SERINC3: variants seen among roughly 807,000 people sequenced by gnomAD.
SERINC3 encodes serine incorporator 3, also known as tumor differentially expressed protein 1.
A neutral mutation model predicts 52.1 loss-of-function variants in SERINC3; 22 were observed. The ratio of observed to expected loss-of-function variants is 0.42; its 90% CI spans 0.30 to 0.60. SERINC3 has a LOEUF of 0.60. SERINC3 is among the 20% of genes least tolerant of loss of function. The pLI is 0.16. For missense variants in SERINC3, 564 were observed against 584.6 expected, an observed-to-expected ratio of 0.96 and a Z score of 0.36; for synonymous variants, 226 against 212.7, an observed-to-expected ratio of 1.06 and a Z score of -0.54.
chr20:44,519,814 G>C (rs1287168168), intron 1 of SERINC3, among the ~76,000 whole-genome samples: 1 of 151,950 alleles, frequency 6.6e-6, no homozygotes, highest in Admixed American at 6.6e-5. Context: ...AAAAATAGTA[G>C]AAAGAGCTGA....
At chr20:44,512,105 G>C (rs943781057) in intron 3 of SERINC3, among the ~76,000 whole-genome samples, 1 of 152,166 alleles carries the variant, frequency 6.6e-6, no homozygotes, top group Non-Finnish European at 1.5e-5. Context: ...CTGAGGTCAC[G>C]AGTTCTAGAC....
At position 44,501,195 on chromosome 20, in the gene SERINC3, ATCTTCT is replaced by A. The variant is rs757263748; in HGVS notation, c.1155_1160del (p.Glu385_Glu386del). The A allele has an allele frequency of 1.9e-6, 3 of 1,614,138 alleles. No individual in the cohort carries two copies. The Middle Eastern group carries it at 4.9e-4, about 266-fold the overall frequency. On this transcript the variant is annotated inframe_deletion, in exon 9 of 10. Transcript: ENST00000342374. ...TGTCCACAGCCCGCCGAGGCTGTCC[ATCTTCT>A]TCATCACTGGCACCACTGGTAGTTG...
intron 4 of SERINC3, among the ~76,000 whole-genome samples, chr20:44,510,909 A>AGTTTT (rs933910308): frequency 3.8e-4 from 58 of 151,770 alleles, no homozygotes; most frequent in Admixed American, 3.4e-3. Flanking sequence ...ATTAAAAGGT[A>AGTTTT]GTTTTGTTTT....
At position 44,500,231 on chromosome 20, in the gene SERINC3, GGT is replaced by G; in HGVS notation, c.*63_*64del. 6.6e-7 allele frequency: 1 copy of G among 1,509,702 alleles called. No individual in the cohort carries two copies. Among genetic ancestry groups the G allele is most frequent in the Non-Finnish European group, 8.9e-7 (1 of 1,117,546 alleles). The allele number at this position is 1,509,702 out of a possible 1,614,324, so 93.5% of individuals were successfully genotyped here. Reference sequence around the variant, plus strand: ...TATTTTAGTTGAAACAAACTTAAAAGGTATATGGGTTTTCGGTGAAGGAGACC... The same window carrying G: ...TATTTTAGTTGAAACAAACTTAAAAGATATGGGTTTTCGGTGAAGGAGACC... On this transcript the variant is annotated 3_prime_UTR_variant, in exon 10 of 10. Coordinates refer to ENST00000342374, the MANE Select transcript of SERINC3 (RefSeq NM_006811.4).
chr20:44,520,034 G>C (rs556143992), intron 1 of SERINC3, among the ~76,000 whole-genome samples: 2 of 152,142 alleles, frequency 1.3e-5, no homozygotes, highest in Admixed American at 1.3e-4. Context: ...CCTCCAAGGA[G>C]GGGCTGAAGG....
At position 44,497,527 on chromosome 20, in the gene SERINC3, C is replaced by T. The variant is rs954121458; in HGVS notation, c.*2769G>A. 2.0e-5 allele frequency: 3 copies of T among 152,126 alleles called. No individual in the cohort carries two copies. The highest frequency in any genetic ancestry group is 7.2e-5 in the African/African-American group (3 of 41,402). The allele number at this position is 152,126 out of a possible 1,614,324, so 9.4% of individuals were successfully genotyped here. On this transcript the variant is annotated 3_prime_UTR_variant, in exon 10 of 10. Coordinates refer to ENST00000342374, the MANE Select transcript of SERINC3 (RefSeq NM_006811.4). ...GTTTGTATTTTGAATTACATTAAGG[C>T]GGAGGATGGGGCACTGTAATGTTTT...
intron 2 of SERINC3, among the ~76,000 whole-genome samples, chr20:44,513,443 G>A (rs1407954675): frequency 6.6e-6 from 1 of 152,090 alleles, no homozygotes; most frequent in East Asian, 1.9e-4. Flanking sequence ...CCAAGATCAT[G>A]TCACTGCACT....
intron 8 of SERINC3, among the ~76,000 whole-genome samples, chr20:44,501,962 A>C (rs2064282703): frequency 6.6e-6 from 1 of 152,234 alleles, no homozygotes; most frequent in African/African-American, 2.4e-5. Flanking sequence ...CATGATAAAA[A>C]CAGTCAAAGT....
chr20:44,521,708 C>T (rs565986361), intron 1 of SERINC3, among the ~76,000 whole-genome samples: 2 of 152,236 alleles, frequency 1.3e-5, no homozygotes, highest in African/African-American at 2.4e-5. Context: ...TAGCCTCTTC[C>T]GTTCCCCGAG....
chr20:44,503,098 T>C (rs1342707383), intron 8 of SERINC3, among the ~76,000 whole-genome samples: 2 of 152,124 alleles, frequency 1.3e-5, no homozygotes, highest in African/African-American at 4.8e-5. Context: ...CCTAAATAAA[T>C]GGTTTAAGTA....
Position 44,500,023 on chromosome 20 carries a change from G to A in SERINC3, c.*273C>T, listed in dbSNP as rs1486452616. The A allele has an allele frequency of 1.2e-5, 3 of 259,868 alleles. No homozygotes were observed. The highest frequency in any genetic ancestry group is 2.2e-5 in the Non-Finnish European group (3 of 139,026). 16.1% of individuals were successfully genotyped at this position (259,868 alleles called of 1,614,324 possible). ...TAAAAGAACCTACAGGCTTTATAAA[G>A]AACTCTCTTCACAGCACAGCTGTAG... On this transcript the variant is annotated 3_prime_UTR_variant, in exon 10 of 10. Coordinates refer to ENST00000342374, the MANE Select transcript of SERINC3 (RefSeq NM_006811.4).
At chr20:44,496,433 ACTAT>A (rs953628348), downstream of SERINC3, 3 of 152,370 alleles carry the variant, frequency 2.0e-5, no homozygotes, top group Non-Finnish European at 4.4e-5. Flanking sequence ...GCATAAGCCT[ACTAT>A]CTGTTATCAA....
At chr20:44,516,838 C>T (rs1223361447) in intron 1 of SERINC3, among the ~76,000 whole-genome samples, 1 of 152,152 alleles carries the variant, frequency 6.6e-6, no homozygotes, top group Non-Finnish European at 1.5e-5. Context: ...GCAAGCACCA[C>T]CATGCCCAGC....
intron 5 of SERINC3, among the ~76,000 whole-genome samples, chr20:44,508,497 A>C (rs2064328501): frequency 6.9e-6 from 1 of 144,646 alleles, no homozygotes; most frequent in South Asian, 2.2e-4. Context: ...ACCCAATCTC[A>C]AAAAAAAAGA....
Position 44,513,893 on chromosome 20 carries a change from T to C in SERINC3, c.187A>G (p.Thr63Ala), listed in dbSNP as rs1292755161. ...TTACTTCTTACCTTCTTCAAGTAAG[T>C]TTCCATCTCTTTTCTCTGCATGATA... ...SYIMQRKEME[T>A]YLKKIPGFCE... Residue 63 changes from threonine to alanine, a missense_variant, in exon 2 of 10, where the codon ACT becomes GCT. Coordinates refer to ENST00000342374, the MANE Select transcript of SERINC3 (RefSeq NM_006811.4). 1 of 1,604,838 alleles carries C rather than the reference T, an allele frequency of 6.2e-7. No homozygotes were observed. Among genetic ancestry groups the C allele is most frequent in the Non-Finnish European group, 8.5e-7 (1 of 1,175,534 alleles).
At chr20:44,509,576 T>G (rs752649326) in intron 5 of SERINC3, among the ~76,000 whole-genome samples, 1 of 152,182 alleles carries the variant, frequency 6.6e-6, no homozygotes, top group Non-Finnish European at 1.5e-5. Context: ...TCACCCAGGC[T>G]GCAGTACAGT....
intron 2 of SERINC3, among the ~76,000 whole-genome samples, chr20:44,513,252 G>A (rs867714935): frequency 2.0e-5 from 3 of 152,132 alleles, no homozygotes; most frequent in Admixed American, 6.6e-5. Context: ...TTGGGGGACC[G>A]AGGTGGGTGG....
intron 4 of SERINC3, among the ~76,000 whole-genome samples, chr20:44,510,536 G>A (rs979703853): frequency 7.9e-5 from 12 of 152,288 alleles, no homozygotes; most frequent in African/African-American, 1.7e-4. Context: ...AGTTGCAGCC[G>A]GGCGTGGTGG....
In SERINC3 at chr20:44,500,210, T is replaced by G; in HGVS notation, c.*86A>C. On this transcript the variant is annotated 3_prime_UTR_variant, in exon 10 of 10. Coordinates refer to ENST00000342374, the MANE Select transcript of SERINC3 (RefSeq NM_006811.4). Reference sequence around the variant, plus strand: ...ACTTGCAAAGCATTCACTTAATATTTTAGTTGAAACAAACTTAAAAGGTAT... The same window carrying G: ...ACTTGCAAAGCATTCACTTAATATTGTAGTTGAAACAAACTTAAAAGGTAT... 1 of 1,391,914 alleles carries G rather than the reference T, an allele frequency of 7.2e-7. No individual in the cohort carries two copies. 86.2% of individuals were successfully genotyped at this position (1,391,914 alleles called of 1,614,324 possible). A position where few individuals can be genotyped will look rare whatever the true frequency, so the allele number is the denominator to read the frequency against.
Sources: gnomAD v4.1 joint callset for allele counts (sites outside exome capture counted in the v4.1 genomes callset) on GRCh38, gnomAD v4.1.1 for gene constraint, MANE v1.5 for transcripts, NCBI Gene and HGNC (gene_info 2026-07-23, HGNC 2026-07-21) for gene names.